Variants in STXBP5L observed in about 807,000 individuals in gnomAD.
STXBP5L encodes the protein syntaxin-binding protein 5-like.
In STXBP5L, 65 loss-of-function variants were observed where a neutral mutation model predicts 144.5. That is an observed-to-expected ratio of 0.45 (90% CI 0.37 to 0.55). STXBP5L has a LOEUF of 0.55. Ranked by LOEUF, STXBP5L falls within the 20% of genes least tolerant of loss-of-function variation. The pLI is 0.00. For missense variants in STXBP5L, 1,298 were observed against 1,405.5 expected (o/e 0.92, Z 1.22); for synonymous variants, 505 against 469.6 (o/e 1.08, Z -0.97).
chr3:121,245,467 T>C (rs2049818956), intron 14 of STXBP5L, among the ~76,000 whole-genome samples: 1 of 152,052 alleles, frequency 6.6e-6, no homozygotes, highest in Middle Eastern at 3.4e-3. Context: ...CCAATAATTA[T>C]GTTAAATGTA....
intron 5 of STXBP5L, among the ~76,000 whole-genome samples, chr3:121,067,032 A>G (rs759329430): frequency 2.0e-5 from 3 of 152,090 alleles, no homozygotes; most frequent in Admixed American, 6.6e-5. Context: ...ACTATTTTCA[A>G]TTCCTAATAT....
chr3:121,203,365 C>T (rs559867661), intron 9 of STXBP5L, among the ~76,000 whole-genome samples: 1 of 152,232 alleles, frequency 6.6e-6, no homozygotes, highest in African/African-American at 2.4e-5. Flanking sequence ...CAGTTTTAAT[C>T]TCAACCTCTA....
chr3:121,367,360 T>A (rs1249227102), intron 20 of STXBP5L, among the ~76,000 whole-genome samples: 4 of 152,166 alleles, frequency 2.6e-5, no homozygotes, highest in African/African-American at 7.2e-5. Flanking sequence ...TATCTGGTAA[T>A]ATTTTAATTT....
At chr3:121,372,281 G>A (rs1259738201) in intron 20 of STXBP5L, among the ~76,000 whole-genome samples, 1 of 152,112 alleles carries the variant, frequency 6.6e-6, no homozygotes, top group Non-Finnish European at 1.5e-5. Context: ...CTGTCTCATG[G>A]GCAAGACCAC....
intron 3 of STXBP5L, among the ~76,000 whole-genome samples, chr3:121,027,648 G>GT (rs929389402): frequency 1.3e-4 from 19 of 151,804 alleles, no homozygotes; most frequent in Middle Eastern, 3.4e-3. Flanking sequence ...TTTTTTGTTT[G>GT]TTTTTTTCAC....
At chr3:121,401,874 C>A in intron 22 of STXBP5L, among the ~76,000 whole-genome samples, 1 of 97,016 alleles carries the variant, frequency 1.0e-5, no homozygotes. Flanking sequence ...TGCACATGTA[C>A]CCTAAAACTT....
At chr3:121,397,471 G>A (rs1040702910) in intron 22 of STXBP5L, among the ~76,000 whole-genome samples, 9 of 152,012 alleles carry the variant, frequency 5.9e-5, no homozygotes, top group Non-Finnish European at 7.4e-5. Context: ...TTTACTTAGC[G>A]GCCATTGTTC....
At chr3:121,205,808 A>G in intron 9 of STXBP5L, 115 bp from the exon 10 acceptor site, 1 of 500,636 alleles carries the variant, frequency 2.0e-6, no homozygotes, top group Non-Finnish European at 3.4e-6. Flanking sequence ...TATTATGACA[A>G]ACATAGAATT....
chr3:121,298,344 T>C (rs889955534), intron 19 of STXBP5L, among the ~76,000 whole-genome samples: 1 of 152,218 alleles, frequency 6.6e-6, no homozygotes. Flanking sequence ...ATTTAAAAAT[T>C]AAACATAAGA....
At chr3:121,011,763 C>G (rs1371345720) in intron 3 of STXBP5L, among the ~76,000 whole-genome samples, 1 of 150,440 alleles carries the variant, frequency 6.6e-6, no homozygotes, top group Non-Finnish European at 1.5e-5. Context: ...TTTGTTATAT[C>G]TTTTTTTTTG....
Position 121,096,983 on chromosome 3 carries a change from G to T in STXBP5L, c.471-17942G>T, listed in dbSNP as rs910333482. The stretch of plus-strand genomic sequence containing the variant: ...CGAGGTGCTCTGTCCCAGGGACATG[G>T]GGGTTTTGTCTATATGTCCCTTATG... On this transcript the variant is annotated intron_variant, in intron 5 of 26. Coordinates refer to ENST00000471454, the MANE Select transcript of STXBP5L (RefSeq NM_001308330.2). 2.6e-5 allele frequency among the ~76,000 whole-genome samples: 4 copies of T among 152,186 alleles called. No homozygotes were observed. In the South Asian group the frequency reaches 6.2e-4, roughly 24 times the overall value.
intron 2 of STXBP5L, among the ~76,000 whole-genome samples, chr3:120,921,711 A>G (rs1451101075): frequency 6.6e-6 from 1 of 151,952 alleles, no homozygotes; most frequent in Non-Finnish European, 1.5e-5. Flanking sequence ...TCCCAGCACC[A>G]TTTGTTGAAG....
At chr3:121,000,108 G>A (rs762417197) in intron 3 of STXBP5L, among the ~76,000 whole-genome samples, 1 of 152,062 alleles carries the variant, frequency 6.6e-6, no homozygotes, top group Non-Finnish European at 1.5e-5. Context: ...ATCTTGCATA[G>A]TATCTTCCAG....
chr3:121,273,170 C>G (rs2050779042), intron 18 of STXBP5L, among the ~76,000 whole-genome samples: 1 of 152,004 alleles, frequency 6.6e-6, no homozygotes, highest in South Asian at 2.1e-4. Flanking sequence ...AATTTAAGAT[C>G]CCTTTAGCAT....
intron 7 of STXBP5L, among the ~76,000 whole-genome samples, chr3:121,148,064 A>G (rs746493632): frequency 3.9e-5 from 6 of 152,122 alleles, no homozygotes; most frequent in Non-Finnish European, 7.4e-5. Context: ...GTCAGCCTTC[A>G]TAATCACGTG....
intron 9 of STXBP5L, among the ~76,000 whole-genome samples, chr3:121,177,057 A>C (rs1003665470): frequency 6.6e-6 from 1 of 151,254 alleles, no homozygotes; most frequent in Admixed American, 6.7e-5. Flanking sequence ...GGGGAAAAAA[A>C]TCTGCTAGGC....
Position 121,114,943 on chromosome 3 carries a change from A to G in STXBP5L, c.489A>G (p.Leu163=), listed in dbSNP as rs748130025. ...CTTTCAGAATTACTTACTGTCATCT[A>G]CCTTTCCAGAGTAAATGGCTTTATG... ...FNRERITYCH[L]PFQSKWLYVG... The change falls in exon 6 of 27, where the codon CTA becomes CTG. Residue 163 remains leucine, a synonymous_variant. Transcript: ENST00000471454. 6 of 1,564,542 alleles carry G rather than the reference A, an allele frequency of 3.8e-6. No individual in the cohort carries two copies. Among genetic ancestry groups the G allele is most frequent in the Non-Finnish European group, 5.2e-6 (6 of 1,158,312 alleles).
At chr3:120,997,062 C>T (rs190524484) in intron 3 of STXBP5L, among the ~76,000 whole-genome samples, 34 of 152,210 alleles carry the variant, frequency 2.2e-4, no homozygotes, top group African/African-American at 2.4e-5. Context: ...GTTTTCTGTT[C>T]CTGTGTTGAC....
chr3:120,973,912 A>G (rs182006087), intron 3 of STXBP5L, among the ~76,000 whole-genome samples: 156 of 152,206 alleles, frequency 1.0e-3, no homozygotes, highest in South Asian at 1.2e-3. Context: ...TGGTGTATAT[A>G]TGCCACATTT....
Sources: gnomAD v4.1 joint callset for allele counts (sites outside exome capture counted in the v4.1 genomes callset) on GRCh38, gnomAD v4.1.1 for gene constraint, MANE v1.5 for transcripts, NCBI Gene and HGNC (gene_info 2026-07-23, HGNC 2026-07-21) for gene names.